DCAF6: variants seen among roughly 807,000 people sequenced by gnomAD.
DCAF6 encodes DDB1- and CUL4-associated factor 6.
A neutral mutation model predicts 125.1 loss-of-function variants in DCAF6; 54 were observed. The observed-to-expected ratio is 0.43, with a 90% CI of 0.35 to 0.54. The LOEUF (loss-of-function observed/expected upper bound fraction) is 0.54, where lower values mean the gene tolerates loss of function less well. Among genes scored for constraint, DCAF6 ranks in the 20% least tolerant of loss-of-function variants. The pLI, the probability that DCAF6 is intolerant of heterozygous loss-of-function variation, is 0.01. For synonymous variants in DCAF6, 371 were observed against 390.4 expected, an observed-to-expected ratio of 0.95 and a Z score of 0.58; for missense variants, 934 against 1,161.7, an observed-to-expected ratio of 0.80 and a Z score of 2.85.
intron 3 of DCAF6, among the ~76,000 whole-genome samples, chr1:167,973,749 C>T (rs1336308107): frequency 6.8e-6 from 1 of 147,104 alleles, no homozygotes; most frequent in Non-Finnish European, 1.5e-5. Context: ...ACAGATATTC[C>T]CCACTCACCT....
At chr1:168,040,210 A>AGT (rs1688350600) in intron 13 of DCAF6, among the ~76,000 whole-genome samples, 1 of 152,038 alleles carries the variant, frequency 6.6e-6, no homozygotes. Flanking sequence ...AGAGAAAACC[A>AGT]GTACAAAGAC....
chr1:167,960,584 T>C (rs1675432761), intron 2 of DCAF6, among the ~76,000 whole-genome samples: 1 of 152,100 alleles, frequency 6.6e-6, no homozygotes, highest in African/African-American at 2.4e-5. Flanking sequence ...TTACAGGCAC[T>C]TTATAGTAAG....
intron 3 of DCAF6, among the ~76,000 whole-genome samples, chr1:167,974,517 C>T (rs185162230): frequency 6.6e-6 from 1 of 152,154 alleles, no homozygotes; most frequent in African/African-American, 2.4e-5. Context: ...AAAAGTCAGT[C>T]AAAGTAGTTC....
At chr1:167,916,016 A>C in the DCAF6 span, among the ~76,000 whole-genome samples, 19 of 152,080 alleles carry the variant, frequency 1.2e-4, no homozygotes, top group Non-Finnish European at 2.6e-4. Flanking sequence ...CCTGTCAAAA[A>C]GCTGTGATAA....
intron 2 of DCAF6, among the ~76,000 whole-genome samples, chr1:167,954,535 C>T (rs138771849): frequency 0.01 from 1,573 of 152,150 alleles, 34 homozygotes; most frequent in African/African-American, 0.034. Context: ...TCACTGCAAG[C>T]TCCGCCTCCC....
At chr1:167,909,711 G>A in the DCAF6 span, among the ~76,000 whole-genome samples, 1 of 151,996 alleles carries the variant, frequency 6.6e-6, no homozygotes, top group African/African-American at 2.4e-5. Flanking sequence ...CCAAAGTGAT[G>A]GTACCAACTT....
chr1:168,075,251 C>T, intron 21 of DCAF6, 120 bp from the exon 22 acceptor site: 1 of 830,410 alleles, frequency 1.2e-6, no homozygotes, highest in Admixed American at 3.3e-5. Context: ...CCTCTAAAGA[C>T]ATCCACACAT....
intron 10 of DCAF6, among the ~76,000 whole-genome samples, chr1:168,014,234 A>T (rs1684665431): frequency 6.6e-6 from 1 of 152,150 alleles, no homozygotes; most frequent in Admixed American, 6.5e-5. Flanking sequence ...GTCATCAATG[A>T]CTTCCATCAT....
At chr1:167,919,983 A>G in the DCAF6 span, 1 of 1,610,162 alleles carries the variant, frequency 6.2e-7, no homozygotes, top group Non-Finnish European at 8.5e-7. Flanking sequence ...GCTTACCTCC[A>G]AATACGAAAA....
chr1:168,014,972 A>G (rs1224549798), intron 10 of DCAF6, among the ~76,000 whole-genome samples: 2 of 152,056 alleles, frequency 1.3e-5, no homozygotes, highest in African/African-American at 2.4e-5. Context: ...AGTTATCCCC[A>G]CGTGACACAA....
intron 1 of DCAF6, among the ~76,000 whole-genome samples, chr1:167,943,056 G>A (rs1389811867): frequency 3.3e-5 from 5 of 151,924 alleles, no homozygotes; most frequent in African/African-American, 9.7e-5. Context: ...ACAGGCACCC[G>A]CCACCACGCC....
At chr1:167,918,573 T>TA in the DCAF6 span, among the ~76,000 whole-genome samples, 3 of 147,786 alleles carry the variant, frequency 2.0e-5, no homozygotes, top group Admixed American at 6.8e-5. Flanking sequence ...TTTCAGATAA[T>TA]AAGAGCACAA....
chr1:168,020,206 G>A (rs958000378), intron 11 of DCAF6, among the ~76,000 whole-genome samples: 9 of 152,172 alleles, frequency 5.9e-5, no homozygotes, highest in Non-Finnish European at 1.3e-4. Flanking sequence ...AGAACATTAT[G>A]TAGTAGATAT....
Position 167,998,178 on chromosome 1 carries a change from C to T in DCAF6, c.904-4304C>T, listed in dbSNP as rs117917149. Among the ~76,000 whole-genome samples the T allele has an allele frequency of 1.1e-3, 172 of 152,218 alleles. 3 individuals are homozygous for T. The East Asian group carries it at 0.031, about 27-fold the overall frequency. On this transcript the variant is annotated intron_variant, in intron 7 of 21. Transcript: ENST00000367840. ...GCAAGTCACACAGATCTTTTGGTTT[C>T]CCAGTGCATGTAAAAGTTATGTTTA...
At chr1:168,049,646 ATTT>A (rs756012977) in intron 16 of DCAF6, among the ~76,000 whole-genome samples, 2 of 90,298 alleles carry the variant, frequency 2.2e-5, no homozygotes, top group Non-Finnish European at 4.1e-5. Flanking sequence ...TCTGCATATA[ATTT>A]TTTTTTTTTT....
the DCAF6 span, among the ~76,000 whole-genome samples, chr1:167,892,552 C>T: frequency 1.3e-5 from 2 of 152,088 alleles, no homozygotes; most frequent in African/African-American, 4.8e-5. Flanking sequence ...CAACTGGTTG[C>T]AATTAAAGAA....
chr1:168,050,900 TC>T lies in DCAF6; in HGVS notation c.2268del (p.Arg757GlufsTer5). The T allele has an allele frequency of 7.2e-7, 1 of 1,380,062 alleles. No individual in the cohort carries two copies. The highest frequency in any genetic ancestry group is 9.6e-7 in the Non-Finnish European group (1 of 1,042,630). 85.5% of individuals were successfully genotyped at this position (1,380,062 alleles called of 1,614,324 possible). On this transcript the variant is annotated frameshift_variant, in exon 17 of 22. Coordinates refer to ENST00000367840, the MANE Select transcript of DCAF6 (RefSeq NM_001198956.2). LOFTEE classifies it high-confidence loss of function. ...TGTGTTCCCTTCACTAGATTTAATA[TC>T]AGAGGAACAACAATAGGTGATAGAA... is the stretch of plus-strand genomic sequence containing the variant. ...YRAGPGDRFN[I>X]RGTTIGDRIM...
At chr1:167,880,607 G>A in the DCAF6 span, 8 of 1,608,066 alleles carry the variant, frequency 5.0e-6, no homozygotes, top group African/African-American at 1.1e-4. Context: ...GGAAAGAGCA[G>A]CCCTGTGAGG....
the DCAF6 span, among the ~76,000 whole-genome samples, chr1:167,927,304 A>C: frequency 6.6e-6 from 1 of 152,212 alleles, no homozygotes; most frequent in African/African-American, 2.4e-5. Flanking sequence ...CTGATGCCAT[A>C]ATGCATTAAT....
Sources: allele counts gnomAD v4.1 joint callset (sites outside exome capture counted in the v4.1 genomes callset), GRCh38; gene constraint gnomAD v4.1.1; transcripts MANE v1.5; gene names NCBI Gene and HGNC (gene_info 2026-07-23, HGNC 2026-07-21).